Variants in MTX2 observed in about 807,000 individuals in gnomAD.
MTX2 encodes the protein metaxin 2.
In MTX2, 35 loss-of-function variants were observed where a neutral mutation model predicts 42.3. The ratio of observed to expected loss-of-function variants is 0.83; its 90% CI spans 0.63 to 1.10. The LOEUF (loss-of-function observed/expected upper bound fraction) is 1.10. Among genes scored for constraint, MTX2 ranks in the 50% least tolerant of loss-of-function variants. MTX2 has a pLI of 0.00. For synonymous variants in MTX2, 119 were observed against 100.9 expected, an observed-to-expected ratio of 1.18 and a Z score of -1.08; for missense variants, 307 against 304.1, an observed-to-expected ratio of 1.01 and a Z score of -0.07.
At chr2:176,276,978 C>T (rs927963870) in intron 1 of MTX2, among the ~76,000 whole-genome samples, 21 of 151,974 alleles carry the variant, frequency 1.4e-4, no homozygotes, top group Non-Finnish European at 2.4e-4. Flanking sequence ...CCATTTATCT[C>T]GTTGTGGGCA....
At chr2:176,308,850 A>AT (rs1442447290) in intron 3 of MTX2, among the ~76,000 whole-genome samples, 2 of 151,950 alleles carry the variant, frequency 1.3e-5, no homozygotes, top group Non-Finnish European at 2.9e-5. Flanking sequence ...CAGTTCCTAG[A>AT]TTCATTGATA....
At chr2:176,323,592 G>A (rs1339704303) in intron 4 of MTX2, 128 bp downstream of exon 4, 11 of 817,080 alleles carry the variant, frequency 1.3e-5, no homozygotes, top group South Asian at 1.9e-5. Flanking sequence ...TCTTTCCATG[G>A]TTTTAGAAAG....
intron 1 of MTX2, among the ~76,000 whole-genome samples, chr2:176,280,741 C>T (rs1188789237): frequency 6.6e-6 from 1 of 152,194 alleles, no homozygotes; most frequent in Non-Finnish European, 1.5e-5. Context: ...GTCAATGTTG[C>T]AAACCGCACG....
chr2:176,276,959 C>G (rs569487363), intron 1 of MTX2, among the ~76,000 whole-genome samples: 1 of 151,852 alleles, frequency 6.6e-6, no homozygotes, highest in Non-Finnish European at 1.5e-5. Context: ...AAAGAATGGT[C>G]GGAATATTCC....
intron 1 of MTX2, 89 bp downstream of exon 1, chr2:176,269,758 G>C: frequency 2.8e-6 from 4 of 1,447,732 alleles, no homozygotes; most frequent in Non-Finnish European, 2.8e-6. Context: ...CTCCAGCCTT[G>C]CGGCATTATA....
chr2:176,334,583 G>A (rs556058614), intron 9 of MTX2, among the ~76,000 whole-genome samples: 33 of 151,384 alleles, frequency 2.2e-4, no homozygotes, highest in African/African-American at 7.5e-4. Context: ...AAACTATACT[G>A]TTGGCTACCC....
intron 1 of MTX2, among the ~76,000 whole-genome samples, chr2:176,270,589 A>G (rs1299295964): frequency 6.6e-6 from 1 of 152,256 alleles, no homozygotes; most frequent in African/African-American, 2.4e-5. Flanking sequence ...GACAGTCACC[A>G]CAATAAATAG....
chr2:176,312,424 A>G (rs1218831916), intron 3 of MTX2, among the ~76,000 whole-genome samples: 1 of 152,188 alleles, frequency 6.6e-6, no homozygotes, highest in South Asian at 2.1e-4. Context: ...TTCATTTATC[A>G]GTTTTATCAG....
At chr2:176,306,773 AT>A (rs1254164741) in intron 3 of MTX2, among the ~76,000 whole-genome samples, 1 of 151,644 alleles carries the variant, frequency 6.6e-6, no homozygotes, top group Admixed American at 6.6e-5. Context: ...TTTCTTGTAA[AT>A]TTTTTTGAGT....
At chr2:176,287,366 A>G (rs1268612952) in intron 1 of MTX2, among the ~76,000 whole-genome samples, 2 of 152,198 alleles carry the variant, frequency 1.3e-5, no homozygotes, top group Non-Finnish European at 2.9e-5. Flanking sequence ...AGTATCCCCA[A>G]TTTGAAAGTC....
intron 1 of MTX2, among the ~76,000 whole-genome samples, chr2:176,286,683 G>A (rs1693210751): frequency 6.6e-6 from 1 of 151,950 alleles, no homozygotes; most frequent in Non-Finnish European, 1.5e-5. Context: ...CCAAGTAGCT[G>A]GGATTACAGG....
chr2:176,285,574 T>G, intron 1 of MTX2, among the ~76,000 whole-genome samples: 1 of 152,086 alleles, frequency 6.6e-6, no homozygotes, highest in East Asian at 1.9e-4. Flanking sequence ...ACTCTGTTTC[T>G]GTAGATTTGC....
chr2:176,269,556 G>A lies in MTX2; in HGVS notation c.-74G>A, dbSNP rs1692742315. 1 of 1,490,364 alleles carries A rather than the reference G, an allele frequency of 6.7e-7. No homozygotes were observed. The highest frequency in any genetic ancestry group is 9.0e-7 in the Non-Finnish European group (1 of 1,112,114). The allele number at this position is 1,490,364 out of a possible 1,614,324, so 92.3% of individuals were successfully genotyped here. A position where few individuals can be genotyped will look rare whatever the true frequency, so the allele number is the denominator to read the frequency against. The stretch of plus-strand genomic sequence containing the variant: ...GGGCTAGGCTCGTTAACTGCCGAGA[G>A]CCTCCGGGTTTGCGGTGGAGGACGC... On this transcript the variant is annotated 5_prime_UTR_variant, in exon 1 of 10. Transcript: ENST00000249442.
At chr2:176,330,711 A>C in intron 9 of MTX2, 51 bp downstream of exon 9, 1 of 1,264,462 alleles carries the variant, frequency 7.9e-7, no homozygotes, top group Non-Finnish European at 1.1e-6. Context: ...TTAGGTTGCA[A>C]ATTTCTTTTT....
intron 1 of MTX2, among the ~76,000 whole-genome samples, chr2:176,287,938 C>T (rs1232037043): frequency 2.7e-5 from 4 of 150,098 alleles, no homozygotes; most frequent in African/African-American, 4.9e-5. Context: ...GGCAATATGA[C>T]GCTGCACTTC....
chr2:176,318,713 A>G (rs954583420), intron 3 of MTX2, among the ~76,000 whole-genome samples: 4 of 152,226 alleles, frequency 2.6e-5, no homozygotes, highest in African/African-American at 4.8e-5. Context: ...AATGTTTGCT[A>G]TAATCACTTT....
At chr2:176,314,855 C>T (rs990551322) in intron 3 of MTX2, among the ~76,000 whole-genome samples, 2 of 152,118 alleles carry the variant, frequency 1.3e-5, no homozygotes, top group African/African-American at 2.4e-5. Context: ...AGTTTTTAAA[C>T]TTGGTACGCT....
intron 3 of MTX2, among the ~76,000 whole-genome samples, chr2:176,308,544 TATTA>T (rs1386258834): frequency 3.9e-5 from 6 of 152,214 alleles, no homozygotes; most frequent in Admixed American, 2.0e-4. Context: ...GTTGGTACGC[TATTA>T]ATTATTGCCT....
At chr2:176,326,943 C>T in intron 5 of MTX2, 42 bp downstream of exon 5, 1 of 1,171,590 alleles carries the variant, frequency 8.5e-7, no homozygotes, top group Non-Finnish European at 1.2e-6. Flanking sequence ...GTTACCAAGT[C>T]ATTCATCATT....
Sources: allele counts gnomAD v4.1 joint callset (sites outside exome capture counted in the v4.1 genomes callset), GRCh38; gene constraint gnomAD v4.1.1; transcripts MANE v1.5; gene names NCBI Gene and HGNC (gene_info 2026-07-23, HGNC 2026-07-21).